The following NAALADL2 variants were observed in gnomAD, a reference collection of about 807,000 sequenced individuals.
NAALADL2 encodes the protein N-acetylated alpha-linked acidic dipeptidase like 2, also known as inactive N-acetylated-alpha-linked acidic dipeptidase-like protein 2.
A neutral mutation model predicts 87.2 loss-of-function variants in NAALADL2; 76 were observed. The observed-to-expected ratio is 0.87, with a 90% CI of 0.72 to 1.05. The LOEUF is 1.05. Ranked by LOEUF, NAALADL2 falls within the 50% of genes least tolerant of loss-of-function variation. NAALADL2 has a pLI of 0.00. For synonymous variants in NAALADL2, 354 were observed against 331.0 expected (o/e 1.07, Z -0.75); for missense variants, 1,089 against 945.8 (o/e 1.15, Z -1.99).
intron 13 of NAALADL2, among the ~76,000 whole-genome samples, chr3:175,794,977 T>TTCCTGC (rs1261703947): frequency 6.6e-6 from 1 of 152,182 alleles, no homozygotes; most frequent in African/African-American, 2.4e-5. Flanking sequence ...AGTGGCTGCC[T>TTCCTGC]TCCTGCTGCA....
At position 175,490,596 on chromosome 3, in the gene NAALADL2, C is replaced by T. The variant is rs372156030; in HGVS notation, c.1653+18838C>T. 4.3e-3 allele frequency among the ~76,000 whole-genome samples: 653 copies of T among 151,196 alleles called. 6 individuals carry two copies. Among genetic ancestry groups the T allele is most frequent in the African/African-American group, 0.015 (627 of 41,010 alleles). ...ATTTTTACTAGAGACATGGTTTCACCGTGTTAGCCAGGATGGTCTTGATCT... is the reference window on the plus strand; with the variant it reads ...ATTTTTACTAGAGACATGGTTTCACTGTGTTAGCCAGGATGGTCTTGATCT... On this transcript the variant is annotated intron_variant, in intron 9 of 13. Transcript: ENST00000454872.
intron 1 of NAALADL2, among the ~76,000 whole-genome samples, chr3:174,912,646 G>T (rs1017048786): frequency 2.6e-5 from 4 of 152,152 alleles, no homozygotes; most frequent in African/African-American, 9.6e-5. Context: ...CAACTTAATG[G>T]CTTTCAATGT....
intron 1 of NAALADL2, among the ~76,000 whole-genome samples, chr3:174,884,760 T>C (rs1447700655): frequency 6.6e-6 from 1 of 152,164 alleles, no homozygotes; most frequent in East Asian, 1.9e-4. Flanking sequence ...TTCTCCAGAT[T>C]TCTGTTTATA....
rs562509760 is a variant in NAALADL2, at chr3:175,117,093, C to A, written c.545+19802C>A. 1.0e-3 allele frequency among the ~76,000 whole-genome samples: 153 copies of A among 152,156 alleles called. 1 individual carries two copies. Among genetic ancestry groups the A allele is most frequent in the African/African-American group, 3.4e-3 (140 of 41,516 alleles). ...GCTGAAACTGGATCCCTTCCTTACA[C>A]CTTGTACAAAAATTAATTCAAGATG... On this transcript the variant is annotated intron_variant, in intron 2 of 13. Coordinates refer to ENST00000454872, the MANE Select transcript of NAALADL2 (RefSeq NM_207015.3).
At chr3:174,502,867 A>G (rs1718982429) in intron 1 of NAALADL2, among the ~76,000 whole-genome samples, 1 of 152,010 alleles carries the variant, frequency 6.6e-6, no homozygotes, top group Admixed American at 6.6e-5. Context: ...CGTCTCTACT[A>G]AAAATATAAA....
chr3:175,259,726 A>G (rs558191369), intron 4 of NAALADL2, among the ~76,000 whole-genome samples: 4 of 152,210 alleles, frequency 2.6e-5, no homozygotes, highest in Non-Finnish European at 4.4e-5. Flanking sequence ...TTGAAAATTC[A>G]GGTTAAAATA....
chr3:175,175,567 C>G (rs1216525810), intron 2 of NAALADL2, among the ~76,000 whole-genome samples: 1 of 151,954 alleles, frequency 6.6e-6, no homozygotes, highest in Non-Finnish European at 1.5e-5. Flanking sequence ...ATTGTGAATA[C>G]CTGCATGTAG....
rs114503524 is a variant in NAALADL2, at chr3:175,654,865, C to G, written c.1896+27479C>G. 3.6e-3 allele frequency among the ~76,000 whole-genome samples: 551 copies of G among 151,912 alleles called. 1 individual carries two copies. The highest frequency in any genetic ancestry group is 0.013 in the African/African-American group (520 of 41,404). ...TACCAGGGAACCTGTGTATAGGCCC[C>G]TTTGTGTTATTTAAGGTTTCTGATA... On this transcript the variant is annotated intron_variant, in intron 11 of 13. Coordinates refer to ENST00000454872, the MANE Select transcript of NAALADL2 (RefSeq NM_207015.3).
rs544174358 is a variant in NAALADL2, at chr3:174,711,197, T to C, written c.-114-26444T>C. On this transcript the variant is annotated intron_variant, in intron 2 of 3. Coordinates refer to the NAALADL2 transcript ENST00000434257. ...AGCCTTTTACCTTATTCAGCACATA[T>C]TATTCCCCAAGTCACCTTGATGATT... 3.5e-4 allele frequency among the ~76,000 whole-genome samples: 53 copies of C among 152,328 alleles called. 1 individual carries two copies. In the East Asian group the frequency reaches 0.01, roughly 29 times the overall value.
At chr3:175,730,526 C>T (rs1296365472) in intron 11 of NAALADL2, among the ~76,000 whole-genome samples, 3 of 143,212 alleles carry the variant, frequency 2.1e-5, no homozygotes, top group Non-Finnish European at 4.5e-5. Flanking sequence ...TGCCTTGTTG[C>T]CTCATAGGGT....
intron 11 of NAALADL2, among the ~76,000 whole-genome samples, chr3:175,692,401 G>A (rs998723211): frequency 2.0e-5 from 3 of 152,090 alleles, no homozygotes; most frequent in African/African-American, 7.2e-5. Context: ...AGTGGACATT[G>A]TGGTCATGTC....
intron 2 of NAALADL2, among the ~76,000 whole-genome samples, chr3:174,724,394 TA>T (rs1361423692): frequency 4.6e-5 from 7 of 152,190 alleles, no homozygotes; most frequent in Non-Finnish European, 1.0e-4. Context: ...AGATAATCTC[TA>T]AAAACTCTAA....
chr3:174,760,089 T>C (rs1712715726), intron 3 of NAALADL2, among the ~76,000 whole-genome samples: 3 of 152,192 alleles, frequency 2.0e-5, no homozygotes, highest in African/African-American at 7.2e-5. Context: ...GTAAAGTAGA[T>C]AGAGCAGGCA....
At chr3:175,119,936 T>C (rs758002850) in intron 2 of NAALADL2, among the ~76,000 whole-genome samples, 1 of 131,084 alleles carries the variant, frequency 7.6e-6, no homozygotes, top group Admixed American at 8.0e-5. Flanking sequence ...ATGAATTATA[T>C]GAGGAAAAAG....
chr3:175,511,573 A>G (rs1321100199), intron 9 of NAALADL2, among the ~76,000 whole-genome samples: 1 of 152,202 alleles, frequency 6.6e-6, no homozygotes, highest in Non-Finnish European at 1.5e-5. Flanking sequence ...AACTGTAAGA[A>G]AATACATTTC....
At chr3:175,079,677 G>A (rs1717357358) in intron 1 of NAALADL2, among the ~76,000 whole-genome samples, 1 of 152,116 alleles carries the variant, frequency 6.6e-6, no homozygotes, top group East Asian at 1.9e-4. Flanking sequence ...ATATAGACTA[G>A]GGAAAGTGAC....
chr3:175,553,514 C>G (rs772371886), intron 9 of NAALADL2, among the ~76,000 whole-genome samples: 14 of 152,042 alleles, frequency 9.2e-5, no homozygotes, highest in Non-Finnish European at 1.9e-4. Context: ...CTTTATATAG[C>G]TCTTGTACTT....
At chr3:175,394,541 T>C (rs1422240247) in intron 5 of NAALADL2, among the ~76,000 whole-genome samples, 2 of 152,194 alleles carry the variant, frequency 1.3e-5, no homozygotes, top group Non-Finnish European at 2.9e-5. Context: ...ACATATCACC[T>C]TGAGATTCAT....
At chr3:175,101,650 T>G (rs1722204989) in intron 2 of NAALADL2, among the ~76,000 whole-genome samples, 1 of 152,222 alleles carries the variant, frequency 6.6e-6, no homozygotes, top group Admixed American at 6.5e-5. Flanking sequence ...AGCAAATTTC[T>G]GAGCAGATTA....
Sources: allele counts gnomAD v4.1 joint callset (sites outside exome capture counted in the v4.1 genomes callset), GRCh38; gene constraint gnomAD v4.1.1; transcripts MANE v1.5; gene names NCBI Gene and HGNC (gene_info 2026-07-23, HGNC 2026-07-21).